SMIM19: variants seen among roughly 807,000 people sequenced by gnomAD.
SMIM19 encodes small integral membrane protein 19.
A neutral mutation model predicts 13.2 loss-of-function variants in SMIM19; 6 were observed. The observed-to-expected ratio is 0.45, with a 90% confidence interval of 0.25 to 0.90. The LOEUF is 0.90. Ranked by LOEUF, SMIM19 falls within the 40% of genes least tolerant of loss-of-function variation. The pLI, the probability that SMIM19 is intolerant of heterozygous loss-of-function variation, is 0.19. For missense variants in SMIM19, 138 were observed against 131.0 expected, an observed-to-expected ratio of 1.05 and a Z score of -0.26; for synonymous variants, 46 against 43.1, an observed-to-expected ratio of 1.07 and a Z score of -0.27.
At chr8:42,552,345 G>A (rs976015848) in intron 3 of SMIM19, among the ~76,000 whole-genome samples, 199 bp from the exon 4 acceptor site, 3 of 152,184 alleles carry the variant, frequency 2.0e-5, no homozygotes, top group African/African-American at 7.2e-5. Context: ...TTGAGCACAA[G>A]AGGTTGAAGC....
chr8:42,546,837 G>T (rs1204608577), intron 2 of SMIM19, among the ~76,000 whole-genome samples: 1 of 151,820 alleles, frequency 6.6e-6, no homozygotes, highest in Non-Finnish European at 1.5e-5. Flanking sequence ...ACAAAAATTA[G>T]CTGGGCATGG....
chr8:42,544,549 A>C (rs2131488568), intron 1 of SMIM19, among the ~76,000 whole-genome samples: 2 of 149,464 alleles, frequency 1.3e-5, no homozygotes, highest in African/African-American at 4.9e-5. Flanking sequence ...GCATCTGCAA[A>C]TTTTTACAAC....
In SMIM19 at chr8:42,552,664, T is replaced by G; in HGVS notation, c.*56T>G. On this transcript the variant is annotated 3_prime_UTR_variant, in exon 4 of 4. Coordinates refer to ENST00000417410, the MANE Select transcript of SMIM19 (RefSeq NM_001135674.2). Reference sequence around the variant, plus strand: ...GTTTCAAGCTCCTGATTCTTTCTACTAAATCATGAACAGCTTTAAAAACAT... The same window carrying G: ...GTTTCAAGCTCCTGATTCTTTCTACGAAATCATGAACAGCTTTAAAAACAT... The G allele has an allele frequency of 6.4e-7, 1 of 1,553,214 alleles. No individual in the cohort carries two copies. The highest frequency in any genetic ancestry group is 1.1e-5 in the South Asian group (1 of 88,500).
rs1224777281 is a variant in SMIM19 at position 42,553,525 on chromosome 8, C to T, written c.*917C>T. 1 of 152,192 alleles carries T rather than the reference C, an allele frequency of 6.6e-6. No individual in the cohort carries two copies. The highest frequency in any genetic ancestry group is 2.4e-5 in the African/African-American group (1 of 41,430). 9.4% of individuals were successfully genotyped at this position (152,192 alleles called of 1,614,324 possible). Reference sequence around the variant, plus strand: ...CTGCATTTTTGGCATGCTAAGCTTTCCTAAAGAGCCTCATATCTTTTCCCA... The same window carrying T: ...CTGCATTTTTGGCATGCTAAGCTTTTCTAAAGAGCCTCATATCTTTTCCCA... On this transcript the variant is annotated 3_prime_UTR_variant, in exon 4 of 4. Coordinates refer to ENST00000417410, the MANE Select transcript of SMIM19 (RefSeq NM_001135674.2).
chr8:42,549,116 A>G (rs1403209888), intron 3 of SMIM19, among the ~76,000 whole-genome samples: 1 of 152,196 alleles, frequency 6.6e-6, no homozygotes, highest in Non-Finnish European at 1.5e-5. Context: ...TCAGCCCTTA[A>G]AAGGAAGGAC....
In SMIM19 at chr8:42,554,321, T is replaced by G. The variant is rs1042062424; in HGVS notation, c.*1713T>G. The G allele has an allele frequency of 3.3e-5, 5 of 152,256 alleles. No homozygotes were observed. The highest frequency in any genetic ancestry group is 1.2e-4 in the African/African-American group (5 of 41,464). The allele number at this position is 152,256 out of a possible 1,614,324, so 9.4% of individuals were successfully genotyped here. Reference sequence around the variant, plus strand: ...TAAACTTGCCTTTGCCTAGGAGAGCTACTGTATATTTCCACAAGTGAATTT... The same window carrying G: ...TAAACTTGCCTTTGCCTAGGAGAGCGACTGTATATTTCCACAAGTGAATTT... On this transcript the variant is annotated 3_prime_UTR_variant, in exon 4 of 4. Coordinates refer to ENST00000417410, the MANE Select transcript of SMIM19 (RefSeq NM_001135674.2).
chr8:42,544,413 G>GGA (rs1421442488), intron 1 of SMIM19, among the ~76,000 whole-genome samples: 2 of 137,062 alleles, frequency 1.5e-5, no homozygotes, highest in African/African-American at 2.7e-5. Context: ...TCTGTCTCAG[G>GGA]GAAAAAAAAA....
intron 3 of SMIM19, among the ~76,000 whole-genome samples, chr8:42,549,390 C>T (rs926889053): frequency 4.6e-5 from 7 of 150,542 alleles, no homozygotes; most frequent in East Asian, 3.9e-4. Context: ...GTAGCCTGGG[C>T]GACAGAGCAA....
intron 1 of SMIM19, among the ~76,000 whole-genome samples, chr8:42,544,009 CAA>C (rs1813385412): frequency 6.6e-6 from 1 of 152,142 alleles, no homozygotes; most frequent in Non-Finnish European, 1.5e-5. Flanking sequence ...TCTGGGCTTC[CAA>C]AAGTTTCCAT....
intron 2 of SMIM19, chr8:42,548,297 C>G (rs1813552583): frequency 6.9e-6 from 3 of 437,374 alleles, no homozygotes; most frequent in Non-Finnish European, 1.4e-5. Context: ...TATTCTCCAG[C>G]CCAGTCATTT....
intron 1 of SMIM19, among the ~76,000 whole-genome samples, chr8:42,543,984 A>T (rs998969397): frequency 6.6e-6 from 1 of 152,210 alleles, no homozygotes; most frequent in Non-Finnish European, 1.5e-5. Context: ...ATAAATTATA[A>T]AGACAGTTAT....
At position 42,553,318 on chromosome 8, in the gene SMIM19, G is replaced by A. The variant is rs1813730038; in HGVS notation, c.*710G>A. The A allele has an allele frequency of 6.6e-6, 1 of 152,128 alleles. No individual in the cohort carries two copies. Among genetic ancestry groups the A allele is most frequent in the Non-Finnish European group, 1.5e-5 (1 of 68,056 alleles). The allele number at this position is 152,128 out of a possible 1,614,324, so 9.4% of individuals were successfully genotyped here. A position where few individuals can be genotyped will look rare whatever the true frequency, so the allele number is the denominator to read the frequency against. ...TAGATTTTTCCTCATTATGCTCCCA[G>A]GAGCGAGTTTGTTTTTATCCCCGTT... On this transcript the variant is annotated 3_prime_UTR_variant, in exon 4 of 4. Transcript: ENST00000417410.
chr8:42,546,585 G>A lies in SMIM19; in HGVS notation c.113G>A (p.Gly38Asp), dbSNP rs1256745629. The A allele has an allele frequency of 1.9e-6, 3 of 1,613,744 alleles. No individual in the cohort carries two copies. The African/African-American group carries it at 4.0e-5, about 22-fold the overall frequency. Residue 38 changes from glycine (G) to aspartate (D), a missense_variant, in exon 2 of 4, where the codon GGT becomes GAT. Gly to Asp is a moderately conservative substitution (Grantham distance 94). Coordinates refer to ENST00000417410, the MANE Select transcript of SMIM19 (RefSeq NM_001135674.2). Reference sequence around the variant, plus strand: ...TTGATAGTTATCCTTGTTAGCTTCGGTCTCTTCATGTATGCCAAAAGGTAA... The same window carrying A: ...TTGATAGTTATCCTTGTTAGCTTCGATCTCTTCATGTATGCCAAAAGGTAA... ...VYLIVILVSF[G>D]LFMYAKRNKR...
At chr8:42,545,721 G>A (rs1440611004) in intron 1 of SMIM19, among the ~76,000 whole-genome samples, 2 of 152,142 alleles carry the variant, frequency 1.3e-5, no homozygotes, top group African/African-American at 4.8e-5. Context: ...TAGAGAAACA[G>A]GGTTTCACCA....
intron 2 of SMIM19, among the ~76,000 whole-genome samples, chr8:42,547,252 T>G (rs1038651390): frequency 1.3e-5 from 2 of 151,346 alleles, no homozygotes; most frequent in African/African-American, 2.4e-5. Flanking sequence ...CCCAGCTACT[T>G]GGGAGGCCGA....
chr8:42,547,608 T>A (rs955116707), intron 2 of SMIM19, among the ~76,000 whole-genome samples: 3 of 152,258 alleles, frequency 2.0e-5, no homozygotes, highest in Non-Finnish European at 4.4e-5. Context: ...CCTTGTTTTT[T>A]GTGCATGACT....
intron 3 of SMIM19, among the ~76,000 whole-genome samples, chr8:42,549,162 C>G (rs1009646911): frequency 2.0e-5 from 3 of 152,128 alleles, no homozygotes; most frequent in African/African-American, 7.2e-5. Flanking sequence ...ACCTACAATC[C>G]CAGCACTTTG....
chr8:42,541,320 C>A (rs1328580960), upstream of SMIM19: 2 of 149,022 alleles, frequency 1.3e-5, no homozygotes, highest in Non-Finnish European at 3.0e-5. Context: ...CCGCGAGCCC[C>A]GCCGGCGCCG....
In SMIM19 at chr8:42,548,662, AAGG is replaced by A. The variant is rs761810357; in HGVS notation, c.144_146del (p.Arg49del). 10 of 1,613,618 alleles carry A rather than the reference AAGG, an allele frequency of 6.2e-6. No homozygotes were observed. Among genetic ancestry groups the A allele is most frequent in the Non-Finnish European group, 8.5e-6 (10 of 1,179,804 alleles). ...GCATGGATTTTGTGTTTAGGAACAAAAGGAGAATTATGAGGATATTCAGTGTGC... is the reference window on the plus strand; with the variant it reads ...GCATGGATTTTGTGTTTAGGAACAAAAGAATTATGAGGATATTCAGTGTGC... On this transcript the variant is annotated inframe_deletion, in exon 3 of 4. Transcript: ENST00000417410.
Sources: gnomAD v4.1 joint callset for allele counts (sites outside exome capture counted in the v4.1 genomes callset) on GRCh38, gnomAD v4.1.1 for gene constraint, MANE v1.5 for transcripts, NCBI Gene and HGNC (gene_info 2026-07-23, HGNC 2026-07-21) for gene names.